LHFPL3: variants seen among roughly 807,000 people sequenced by gnomAD.
LHFPL3 encodes the protein LHFPL tetraspan subfamily member 3 protein.
A neutral mutation model predicts 19.3 loss-of-function variants in LHFPL3; 5 were observed. That is an observed-to-expected ratio of 0.26 (90% CI 0.14 to 0.54). The LOEUF (loss-of-function observed/expected upper bound fraction) is 0.54. Ranked by LOEUF, LHFPL3 falls within the 20% of genes least tolerant of loss-of-function variation. The pLI, the probability that LHFPL3 is intolerant of heterozygous loss-of-function variation, is 0.94. For missense variants in LHFPL3, 249 were observed against 307.4 expected (o/e 0.81, Z 1.42); for synonymous variants, 133 against 126.2 (o/e 1.05, Z -0.36).
chr7:104,467,233 C>G (rs1584340117), intron 1 of LHFPL3, among the ~76,000 whole-genome samples: 1 of 152,134 alleles, frequency 6.6e-6, no homozygotes, highest in African/African-American at 2.4e-5. Context: ...CTTGCTCTAC[C>G]TATCTCACAT....
chr7:104,418,309 G>T (rs115474270), intron 1 of LHFPL3, among the ~76,000 whole-genome samples: 444 of 152,288 alleles, frequency 2.9e-3, no homozygotes, highest in African/African-American at 0.01. Context: ...TAGGCAAGAG[G>T]ATTGCCTGAG....
chr7:104,719,232 A>G (rs114196047), intron 1 of LHFPL3, among the ~76,000 whole-genome samples: 1 of 152,218 alleles, frequency 6.6e-6, no homozygotes, highest in Non-Finnish European at 1.5e-5. Context: ...TATTATACAT[A>G]CAAGTAGCCA....
chr7:104,515,281 C>G (rs1245481789), intron 1 of LHFPL3, among the ~76,000 whole-genome samples: 1 of 152,186 alleles, frequency 6.6e-6, no homozygotes, highest in Non-Finnish European at 1.5e-5. Flanking sequence ...AGATGTTTCA[C>G]TCTTTAACAG....
At chr7:104,786,955 CTG>C (rs1169621428) in intron 2 of LHFPL3, among the ~76,000 whole-genome samples, 5 of 152,174 alleles carry the variant, frequency 3.3e-5, no homozygotes, top group Non-Finnish European at 5.9e-5. Flanking sequence ...ATTGTGCCCT[CTG>C]TATAAGTAGG....
At chr7:104,813,726 C>T (rs145524437) in intron 2 of LHFPL3, among the ~76,000 whole-genome samples, 5 of 152,346 alleles carry the variant, frequency 3.3e-5, no homozygotes, top group African/African-American at 1.2e-4. Context: ...CAGCAGATGT[C>T]AGATGATCAG....
chr7:104,869,809 C>T (rs544748205), intron 2 of LHFPL3, among the ~76,000 whole-genome samples: 2 of 152,092 alleles, frequency 1.3e-5, no homozygotes, highest in Admixed American at 1.3e-4. Flanking sequence ...TATTGCGGCA[C>T]TATTCACAAT....
At chr7:104,500,688 C>T (rs770847756) in intron 1 of LHFPL3, among the ~76,000 whole-genome samples, 3 of 152,190 alleles carry the variant, frequency 2.0e-5, no homozygotes, top group African/African-American at 4.8e-5. Context: ...ACCTTTCCCT[C>T]GCCACAGAGG....
chr7:104,657,151 T>C (rs1792135737), intron 1 of LHFPL3, among the ~76,000 whole-genome samples: 1 of 152,246 alleles, frequency 6.6e-6, no homozygotes, highest in Admixed American at 6.5e-5. Context: ...CTAATTGATA[T>C]TACGAATTCC....
intron 1 of LHFPL3, among the ~76,000 whole-genome samples, chr7:104,464,398 C>T (rs929168167): frequency 3.3e-5 from 5 of 152,226 alleles, no homozygotes; most frequent in Admixed American, 6.5e-5. Context: ...CCTCTTCTCA[C>T]AGCTCCACTA....
At chr7:104,479,710 A>G (rs941633084) in intron 1 of LHFPL3, among the ~76,000 whole-genome samples, 1 of 152,130 alleles carries the variant, frequency 6.6e-6, no homozygotes, top group African/African-American at 2.4e-5. Context: ...CACTTCTGCA[A>G]CTGTTAAACA....
In LHFPL3 at chr7:104,640,201, G is replaced by A. The variant is rs576319027; in HGVS notation, c.446-96474G>A. Among the ~76,000 whole-genome samples the A allele has an allele frequency of 9.2e-5, 14 of 152,138 alleles. 1 individual carries two copies. Among genetic ancestry groups the A allele is most frequent in the South Asian group, 2.1e-4 (1 of 4,814 alleles). Reference sequence around the variant, plus strand: ...TACATGTGCCAAGGTGGTTTGCTGCGCCCATCAACCCATCATCTAGGTTTT... The same window carrying A: ...TACATGTGCCAAGGTGGTTTGCTGCACCCATCAACCCATCATCTAGGTTTT... On this transcript the variant is annotated intron_variant, in intron 1 of 2. Coordinates refer to ENST00000424859, the MANE Select transcript of LHFPL3 (RefSeq NM_199000.3).
chr7:104,718,463 T>C (rs1057253993), intron 1 of LHFPL3, among the ~76,000 whole-genome samples: 1 of 152,192 alleles, frequency 6.6e-6, no homozygotes. Context: ...CCAGCCCTTG[T>C]ATTTGGAAAT....
intron 1 of LHFPL3, among the ~76,000 whole-genome samples, chr7:104,607,811 A>G (rs1791132260): frequency 6.6e-6 from 1 of 152,118 alleles, no homozygotes; most frequent in Non-Finnish European, 1.5e-5. Flanking sequence ...GAAAAAAACA[A>G]CCCCATTAAC....
At chr7:104,899,494 G>C (rs1792440854) in intron 2 of LHFPL3, among the ~76,000 whole-genome samples, 2 of 152,146 alleles carry the variant, frequency 1.3e-5, no homozygotes, top group Admixed American at 6.5e-5. Flanking sequence ...GGCAGGAAGG[G>C]AAGTAAGGAC....
intron 1 of LHFPL3, among the ~76,000 whole-genome samples, chr7:104,467,275 G>A (rs1230543157): frequency 6.6e-6 from 1 of 152,162 alleles, no homozygotes; most frequent in African/African-American, 2.4e-5. Flanking sequence ...AGAGAAGACA[G>A]TAGGCAGTCT....
At chr7:104,637,944 G>T (rs926885558) in intron 1 of LHFPL3, among the ~76,000 whole-genome samples, 7 of 148,982 alleles carry the variant, frequency 4.7e-5, no homozygotes, top group African/African-American at 1.7e-4. Flanking sequence ...TTGGTAGTTT[G>T]ATAGGAATAG....
intron 1 of LHFPL3, among the ~76,000 whole-genome samples, chr7:104,579,373 C>T (rs1282127427): frequency 6.6e-5 from 10 of 152,066 alleles, no homozygotes; most frequent in Non-Finnish European, 1.3e-4. Context: ...CCAGGGGCAC[C>T]CAATATTTAG....
intron 1 of LHFPL3, among the ~76,000 whole-genome samples, chr7:104,734,406 C>A (rs956037227): frequency 1.3e-5 from 2 of 152,170 alleles, no homozygotes; most frequent in Admixed American, 6.5e-5. Context: ...TTCTTGGAGA[C>A]CTTGTTCGTT....
chr7:104,499,873 T>G (rs1456252112), intron 1 of LHFPL3, among the ~76,000 whole-genome samples: 1 of 152,032 alleles, frequency 6.6e-6, no homozygotes, highest in African/African-American at 2.4e-5. Context: ...TTCTTACCAG[T>G]AGAAGAAAAA....
Sources: gnomAD v4.1 joint callset for allele counts (sites outside exome capture counted in the v4.1 genomes callset) on GRCh38, gnomAD v4.1.1 for gene constraint, MANE v1.5 for transcripts, NCBI Gene and HGNC (gene_info 2026-07-23, HGNC 2026-07-21) for gene names.